TBC1D12: variants seen among roughly 807,000 people sequenced by gnomAD.
TBC1D12 encodes the protein TBC1 domain family member 12.
Under a neutral mutation model 86.7 loss-of-function variants are expected in TBC1D12, and 56 were observed. The ratio of observed to expected loss-of-function variants is 0.65; its 90% CI spans 0.52 to 0.81. The LOEUF is 0.81. TBC1D12 is among the 30% of genes least tolerant of loss of function. The pLI is 0.00. For missense variants in TBC1D12, 1,023 were observed against 1,038.8 expected, an observed-to-expected ratio of 0.98 and a Z score of 0.21; for synonymous variants, 421 against 411.7, an observed-to-expected ratio of 1.02 and a Z score of -0.27.
rs568575837 is a variant in TBC1D12, at chr10:94,481,100, C to T, written c.1211+6317C>T. Among the ~76,000 whole-genome samples, 18 of 120,214 alleles carry T rather than the reference C, an allele frequency of 1.5e-4. No individual in the cohort carries two copies. In the South Asian group the frequency reaches 4.6e-3, roughly 31 times the overall value. The allele number at this position is 120,214 out of a possible 152,430, so 78.9% of individuals were successfully genotyped here. On this transcript the variant is annotated intron_variant, in intron 3 of 12. Coordinates refer to ENST00000225235, the MANE Select transcript of TBC1D12 (RefSeq NM_015188.2). ...GACTCATCAATAGTCTTAAAATATT[C>T]ATTTAACCGTGCTGTAAACATGTCC... is the stretch of plus-strand genomic sequence containing the variant.
At chr10:94,404,426 A>G (rs946668170) in intron 1 of TBC1D12, among the ~76,000 whole-genome samples, 5 of 151,904 alleles carry the variant, frequency 3.3e-5, no homozygotes, top group African/African-American at 1.2e-4. Context: ...CGGGCGGACT[A>G]TTTGAGGTCA....
intron 2 of TBC1D12, among the ~76,000 whole-genome samples, chr10:94,461,609 AT>A (rs1455628089): frequency 6.6e-6 from 1 of 151,738 alleles, no homozygotes; most frequent in South Asian, 2.1e-4. Flanking sequence ...TTAATTTTTA[AT>A]TTTTTTTCCT....
intron 7 of TBC1D12, chr10:94,508,340 C>T (rs1288321434): frequency 4.0e-5 from 6 of 151,516 alleles, no homozygotes; most frequent in Admixed American, 2.6e-4. Flanking sequence ...CTCTATGTTT[C>T]CCTGGCTAGT....
chr10:94,490,076 C>T (rs2056226220), intron 3 of TBC1D12, among the ~76,000 whole-genome samples: 2 of 152,038 alleles, frequency 1.3e-5, no homozygotes, highest in Admixed American at 6.6e-5. Context: ...GGTGAAACTC[C>T]ATCTCTACTA....
At chr10:94,465,862 A>G (rs2055809843) in intron 2 of TBC1D12, among the ~76,000 whole-genome samples, 2 of 151,452 alleles carry the variant, frequency 1.3e-5, no homozygotes, top group South Asian at 2.1e-4. Flanking sequence ...ATGCATACAT[A>G]CATATATACA....
chr10:94,470,990 C>T (rs529716826), intron 2 of TBC1D12, among the ~76,000 whole-genome samples: 8 of 152,030 alleles, frequency 5.3e-5, no homozygotes, highest in Non-Finnish European at 1.2e-4. Context: ...AAAACTTATT[C>T]CTAGGTTGGG....
intron 6 of TBC1D12, among the ~76,000 whole-genome samples, chr10:94,503,898 T>C (rs1296112694): frequency 2.6e-5 from 4 of 152,216 alleles, no homozygotes; most frequent in African/African-American, 9.6e-5. Context: ...GTGCTGGGCT[T>C]ACAGGCATGA....
rs893991628 is a variant in TBC1D12 at position 94,483,212 on chromosome 10, G to A, written c.1211+8429G>A. Among the ~76,000 whole-genome samples, 4 of 152,030 alleles carry A rather than the reference G, an allele frequency of 2.6e-5. No individual in the cohort carries two copies. The South Asian group carries it at 6.2e-4, about 24-fold the overall frequency. ...AATCTTGGCTACTGTGAATAGTGCA[G>A]CAATAAACATGGGAGTGCAGATATT... On this transcript the variant is annotated intron_variant, in intron 3 of 12. Transcript: ENST00000225235.
intron 1 of TBC1D12, among the ~76,000 whole-genome samples, chr10:94,437,471 C>T (rs1412080932): frequency 2.0e-5 from 3 of 151,894 alleles, no homozygotes; most frequent in Non-Finnish European, 1.5e-5. Context: ...AGACTACAGG[C>T]GCCCGCCACC....
chr10:94,474,571 TCC>T, intron 2 of TBC1D12, 95 bp from the exon 3 acceptor site: 1 of 829,282 alleles, frequency 1.2e-6, no homozygotes. Context: ...ATTGTATGTA[TCC>T]CTCATTATAG....
intron 6 of TBC1D12, among the ~76,000 whole-genome samples, chr10:94,505,354 G>GGATC (rs1425683904): frequency 6.6e-6 from 1 of 152,128 alleles, no homozygotes; most frequent in Non-Finnish European, 1.5e-5. Flanking sequence ...CGAGGCAGGT[G>GGATC]GATCACATGA....
intron 1 of TBC1D12, among the ~76,000 whole-genome samples, chr10:94,428,905 A>C (rs373070374): frequency 6.6e-6 from 1 of 151,878 alleles, no homozygotes. Context: ...GGGTTTCGCT[A>C]TGTTGCCCAG....
Position 94,531,275 on chromosome 10 carries a change from G to A in TBC1D12, c.2074G>A (p.Gly692Arg), listed in dbSNP as rs779160989. The A allele has an allele frequency of 6.2e-6, 10 of 1,614,022 alleles. No individual in the cohort carries two copies. Among genetic ancestry groups the A allele is most frequent in the Non-Finnish European group, 8.5e-7 (1 of 1,179,990 alleles). ...CRVWDVFCRD[G>R]EEFLFRTGLG... ...AGTCTGGGATGTATTTTGCAGAGAT[G>A]GGGAAGAATTTTTATTTAGGACTGG... Residue 692 changes from glycine (G) to arginine (R), a missense_variant, in exon 12 of 13, where the codon GGG becomes AGG. Coordinates refer to ENST00000225235, the MANE Select transcript of TBC1D12 (RefSeq NM_015188.2).
At chr10:94,507,913 G>A (rs1434634286) in intron 7 of TBC1D12, among the ~76,000 whole-genome samples, 1 of 152,118 alleles carries the variant, frequency 6.6e-6, no homozygotes, top group Non-Finnish European at 1.5e-5. Flanking sequence ...CTTGAACCTG[G>A]GAGGCAGAGG....
Position 94,493,283 on chromosome 10 carries a change from C to T in TBC1D12, c.1212-82C>T, listed in dbSNP as rs535918626. 759 of 1,025,916 alleles carry T rather than the reference C, an allele frequency of 7.4e-4. 5 individuals are homozygous for T. The highest frequency in any genetic ancestry group is 1.1e-3 in the Non-Finnish European group (718 of 670,926). The allele number at this position is 1,025,916 out of a possible 1,614,324, so 63.6% of individuals were successfully genotyped here. A position where few individuals can be genotyped will look rare whatever the true frequency, so the allele number is the denominator to read the frequency against. ...AGGTTAGTTTAGAAATTCTTTGCAT[C>T]TGGGTGTAAAAACAAATAAGTTAGT... On this transcript the variant is annotated intron_variant, in intron 3 of 12. Coordinates refer to ENST00000225235, the MANE Select transcript of TBC1D12 (RefSeq NM_015188.2).
chr10:94,484,809 AAAG>A (rs2056135837), intron 3 of TBC1D12, among the ~76,000 whole-genome samples: 1 of 152,088 alleles, frequency 6.6e-6, no homozygotes, highest in Non-Finnish European at 1.5e-5. Context: ...GTTTTAAGTA[AAAG>A]AAGACCTTTT....
chr10:94,424,731 G>T (rs2055125177), intron 1 of TBC1D12, among the ~76,000 whole-genome samples: 1 of 152,196 alleles, frequency 6.6e-6, no homozygotes, highest in African/African-American at 2.4e-5. Flanking sequence ...CATGGAGATG[G>T]GTCAGTGCTG....
intron 1 of TBC1D12, among the ~76,000 whole-genome samples, chr10:94,437,027 A>C (rs2055309739): frequency 6.6e-6 from 1 of 151,508 alleles, no homozygotes; most frequent in African/African-American, 2.4e-5. Context: ...CTTGAAGGAT[A>C]GTTTTGTTGG....
intron 1 of TBC1D12, among the ~76,000 whole-genome samples, chr10:94,424,735 A>G (rs545521927): frequency 2.0e-5 from 3 of 152,334 alleles, no homozygotes; most frequent in African/African-American, 7.2e-5. Flanking sequence ...GAGATGGGTC[A>G]GTGCTGGGAA....
Sources: allele counts gnomAD v4.1 joint callset (sites outside exome capture counted in the v4.1 genomes callset), GRCh38; gene constraint gnomAD v4.1.1; transcripts MANE v1.5; gene names NCBI Gene and HGNC (gene_info 2026-07-23, HGNC 2026-07-21).